CTNNA2: variants seen among roughly 807,000 people sequenced by gnomAD.
CTNNA2 encodes the protein catenin alpha 2.
In CTNNA2, 42 loss-of-function variants were observed where a neutral mutation model predicts 101.0. That is an observed-to-expected ratio of 0.42 (90% CI 0.32 to 0.54). The LOEUF is 0.54. CTNNA2 is among the 20% of genes least tolerant of loss of function. CTNNA2 has a pLI of 0.14. For missense variants in CTNNA2, 871 were observed against 1,223.1 expected (o/e 0.71, Z 4.29); for synonymous variants, 450 against 456.4 (o/e 0.99, Z 0.18).
At chr2:79,971,838 C>T (rs1159232914) in intron 7 of CTNNA2, among the ~76,000 whole-genome samples, 3 of 152,198 alleles carry the variant, frequency 2.0e-5, no homozygotes, top group Non-Finnish European at 4.4e-5. Flanking sequence ...GATAGCTCTA[C>T]TGTGTGTCAG....
intron 7 of CTNNA2, among the ~76,000 whole-genome samples, chr2:79,963,070 C>CAAAAA (rs56764501): frequency 1.5e-5 from 1 of 66,198 alleles, no homozygotes; most frequent in Non-Finnish European, 2.6e-5. Flanking sequence ...GACTCCGTCT[C>CAAAAA]AAAAAAAAAA....
intron 3 of CTNNA2, among the ~76,000 whole-genome samples, chr2:79,749,682 C>G (rs1160839200): frequency 1.3e-5 from 2 of 152,206 alleles, no homozygotes; most frequent in Non-Finnish European, 2.9e-5. Flanking sequence ...AGATATCCAA[C>G]TTCTAATCTA....
chr2:79,207,699 C>A (rs979627909), intron 2 of CTNNA2, among the ~76,000 whole-genome samples: 3 of 152,046 alleles, frequency 2.0e-5, no homozygotes, highest in Non-Finnish European at 4.4e-5. Context: ...GCTGGTATGG[C>A]CAGTAAAGAA....
At chr2:79,255,494 T>C (rs773982885) in intron 2 of CTNNA2, among the ~76,000 whole-genome samples, 22 of 152,194 alleles carry the variant, frequency 1.4e-4, no homozygotes, top group Admixed American at 8.5e-4. Flanking sequence ...ATAAGACAAG[T>C]ACAGCATGGC....
rs572047551 is a variant in CTNNA2, at chr2:80,131,803, G to A, written c.1056+222006G>A. ...TGTAGGTTATTAAAAACTATCAGCCGGGCACGGTGGCTCATGCCTGTAATC... is the reference window on the plus strand; with the variant it reads ...TGTAGGTTATTAAAAACTATCAGCCAGGCACGGTGGCTCATGCCTGTAATC... On this transcript the variant is annotated intron_variant, in intron 7 of 18. Transcript: ENST00000402739. Among the ~76,000 whole-genome samples the A allele has an allele frequency of 7.8e-4, 119 of 152,106 alleles. 1 individual carries two copies. Among genetic ancestry groups the A allele is most frequent in the African/African-American group, 2.2e-3 (92 of 41,518 alleles).
At chr2:79,242,521 A>T (rs531271678) in intron 2 of CTNNA2, among the ~76,000 whole-genome samples, 1 of 152,266 alleles carries the variant, frequency 6.6e-6, no homozygotes, top group Non-Finnish European at 1.5e-5. Context: ...ATATTCTGAC[A>T]CTTCTCTCAA....
chr2:80,623,723 G>A (rs1671382387), intron 18 of CTNNA2, among the ~76,000 whole-genome samples: 1 of 151,800 alleles, frequency 6.6e-6, no homozygotes, highest in South Asian at 2.1e-4. Flanking sequence ...GTAGGTTCTT[G>A]GAGTCTGTAA....
At chr2:79,956,363 A>T (rs1340225966) in intron 7 of CTNNA2, among the ~76,000 whole-genome samples, 2 of 152,300 alleles carry the variant, frequency 1.3e-5, no homozygotes, top group Non-Finnish European at 2.9e-5. Context: ...ACATGATCTT[A>T]TAATACCTTA....
At chr2:80,165,184 A>G (rs1704594620) in intron 7 of CTNNA2, among the ~76,000 whole-genome samples, 1 of 151,838 alleles carries the variant, frequency 6.6e-6, no homozygotes, top group Non-Finnish European at 1.5e-5. Flanking sequence ...CAGGAATGTC[A>G]GATCTTTTAT....
chr2:79,204,728 G>T (rs978630274), intron 2 of CTNNA2, among the ~76,000 whole-genome samples: 1 of 152,196 alleles, frequency 6.6e-6, no homozygotes, highest in African/African-American at 2.4e-5. Context: ...CAGTTATTTG[G>T]TGAGGGCTGT....
chr2:79,742,320 C>T (rs1389023081), intron 2 of CTNNA2, among the ~76,000 whole-genome samples: 1 of 151,880 alleles, frequency 6.6e-6, no homozygotes, highest in Non-Finnish European at 1.5e-5. Flanking sequence ...TAGCTCCTCT[C>T]CACCCTATTT....
intron 4 of CTNNA2, among the ~76,000 whole-genome samples, chr2:79,477,831 G>A (rs1052737964): frequency 2.6e-5 from 4 of 152,200 alleles, no homozygotes; most frequent in African/African-American, 4.8e-5. Context: ...TGCTAAACTA[G>A]CCCAACTGGT....
chr2:79,941,886 T>A, intron 7 of CTNNA2, among the ~76,000 whole-genome samples: 1 of 152,192 alleles, frequency 6.6e-6, no homozygotes, highest in Non-Finnish European at 1.5e-5. Flanking sequence ...CCCAAAATGC[T>A]GGGATTACAG....
chr2:80,464,229 G>T (rs112431928), intron 9 of CTNNA2, among the ~76,000 whole-genome samples: 2 of 152,122 alleles, frequency 1.3e-5, no homozygotes, highest in South Asian at 4.1e-4. Context: ...AGAAAGAACT[G>T]TCTTCAATAT....
intron 1 of CTNNA2, among the ~76,000 whole-genome samples, chr2:79,650,383 G>A (rs1476232505): frequency 2.0e-5 from 3 of 152,010 alleles, no homozygotes; most frequent in African/African-American, 7.2e-5. Flanking sequence ...CAGAACATTG[G>A]CACTTAGTTT....
At chr2:80,640,781 T>C (rs1483511767) in intron 18 of CTNNA2, among the ~76,000 whole-genome samples, 1 of 152,176 alleles carries the variant, frequency 6.6e-6, no homozygotes, top group Non-Finnish European at 1.5e-5. Flanking sequence ...TTTTTTTTCC[T>C]TGCAAGCAAT....
chr2:79,379,216 A>T (rs1678013225), intron 4 of CTNNA2, among the ~76,000 whole-genome samples: 1 of 152,240 alleles, frequency 6.6e-6, no homozygotes, highest in South Asian at 2.1e-4. Flanking sequence ...CCTACTGCAC[A>T]TAACTTAGGT....
intron 1 of CTNNA2, among the ~76,000 whole-genome samples, chr2:79,633,094 C>T (rs746101533): frequency 2.0e-5 from 3 of 152,106 alleles, no homozygotes; most frequent in South Asian, 2.1e-4. Context: ...AACAATCAGT[C>T]GTATTATGTT....
At chr2:79,890,608 T>C (rs1292530045) in intron 6 of CTNNA2, among the ~76,000 whole-genome samples, 1 of 151,990 alleles carries the variant, frequency 6.6e-6, no homozygotes, top group Non-Finnish European at 1.5e-5. Context: ...AGGTCTACAC[T>C]GGTGATCGTC....
Sources: allele counts gnomAD v4.1 joint callset (sites outside exome capture counted in the v4.1 genomes callset), GRCh38; gene constraint gnomAD v4.1.1; transcripts MANE v1.5; gene names NCBI Gene and HGNC (gene_info 2026-07-23, HGNC 2026-07-21).